Variants in OPCML observed in about 807,000 individuals in gnomAD.
OPCML encodes the protein opioid-binding protein/cell adhesion molecule.
Under a neutral mutation model 37.8 loss-of-function variants are expected in OPCML, and 13 were observed. The observed-to-expected ratio is 0.34, with a 90% confidence interval of 0.22 to 0.55. The LOEUF is 0.55. Ranked by LOEUF, OPCML falls within the 20% of genes least tolerant of loss-of-function variation. OPCML has a pLI of 0.91. For synonymous variants in OPCML, 176 were observed against 168.8 expected (o/e 1.04, Z -0.33); for missense variants, 341 against 435.6 (o/e 0.78, Z 1.93).
At chr11:132,941,410 G>A (rs1489093057) in intron 2 of OPCML, among the ~76,000 whole-genome samples, 3 of 152,210 alleles carry the variant, frequency 2.0e-5, no homozygotes, top group African/African-American at 7.2e-5. Flanking sequence ...GTAAAGAGGT[G>A]TGTGGCAGCA....
At chr11:132,912,975 C>T (rs1184589432) in intron 2 of OPCML, among the ~76,000 whole-genome samples, 2 of 152,154 alleles carry the variant, frequency 1.3e-5, no homozygotes, top group East Asian at 1.9e-4. Flanking sequence ...CTTAATTTAC[C>T]ATTAGAATAA....
At position 132,937,594 on chromosome 11, in the gene OPCML, G is replaced by T. The variant is rs182485967; in HGVS notation, c.146+5332C>A. 4.2e-4 allele frequency among the ~76,000 whole-genome samples: 29 copies of T among 68,746 alleles called. No individual in the cohort carries two copies. In the East Asian group the frequency reaches 8.5e-3, roughly 20 times the overall value. The allele number at this position is 68,746 out of a possible 152,430, so 45.1% of individuals were successfully genotyped here. Reference sequence around the variant, plus strand: ...GTGTGTGGTGTGTGTGGCGTGTGTGGGGTGTGTGTGTGTGTGTGTGTGTGT... The same window carrying T: ...GTGTGTGGTGTGTGTGGCGTGTGTGTGGTGTGTGTGTGTGTGTGTGTGTGT... On this transcript the variant is annotated intron_variant, in intron 2 of 7. Coordinates refer to ENST00000524381, the MANE Select transcript of OPCML (RefSeq NM_001012393.5).
At chr11:132,627,245 A>T (rs1171775493) in intron 3 of OPCML, among the ~76,000 whole-genome samples, 1 of 152,222 alleles carries the variant, frequency 6.6e-6, no homozygotes, top group African/African-American at 2.4e-5. Context: ...AAATGAATTT[A>T]TTACATTCAC....
rs1193402863 is a variant in OPCML at position 133,079,959 on chromosome 11, TCAAC to T, written c.62-136953_62-136950del. On this transcript the variant is annotated intron_variant, in intron 1 of 7. Coordinates refer to ENST00000524381, the MANE Select transcript of OPCML (RefSeq NM_001012393.5). ...GCTCATTGGGAATGCCTTTTGAACT[TCAAC>T]CATGTTAGAAAAACAGTTTTACAGA... 5.3e-5 allele frequency among the ~76,000 whole-genome samples: 8 copies of T among 152,360 alleles called. No individual in the cohort carries two copies. In the East Asian group the frequency reaches 1.5e-3, roughly 29 times the overall value.
chr11:132,809,956 T>G (rs1378685847), intron 2 of OPCML, among the ~76,000 whole-genome samples: 6 of 152,274 alleles, frequency 3.9e-5, no homozygotes, highest in African/African-American at 1.4e-4. Context: ...TTCACGCCAT[T>G]CTCCTGCCTC....
At chr11:133,371,885 C>A (rs1387473956) in intron 1 of OPCML, among the ~76,000 whole-genome samples, 1 of 152,154 alleles carries the variant, frequency 6.6e-6, no homozygotes, top group African/African-American at 2.4e-5. Context: ...GTGGATGGAA[C>A]TGAAGATCGG....
At chr11:132,781,583 C>T (rs1160511203) in intron 2 of OPCML, among the ~76,000 whole-genome samples, 1 of 146,624 alleles carries the variant, frequency 6.8e-6, no homozygotes, top group African/African-American at 2.5e-5. Flanking sequence ...TACACCCACA[C>T]ACACATACAC....
intron 1 of OPCML, among the ~76,000 whole-genome samples, chr11:133,487,876 C>T (rs1211471439): frequency 2.0e-5 from 3 of 150,336 alleles, no homozygotes; most frequent in African/African-American, 7.4e-5. Flanking sequence ...AATAAGAAGT[C>T]ATTCTGTAGC....
At chr11:133,285,663 A>T (rs1942275707) in intron 1 of OPCML, among the ~76,000 whole-genome samples, 1 of 152,224 alleles carries the variant, frequency 6.6e-6, no homozygotes. Flanking sequence ...TCATTAACAT[A>T]GCTTTGTTTA....
At chr11:132,970,174 C>T (rs1369921859) in intron 1 of OPCML, among the ~76,000 whole-genome samples, 1 of 152,178 alleles carries the variant, frequency 6.6e-6, no homozygotes, top group Non-Finnish European at 1.5e-5. Context: ...GAGGCCCCTC[C>T]TCTTTCACAT....
At chr11:133,199,449 C>T (rs1475545334) in intron 1 of OPCML, among the ~76,000 whole-genome samples, 1 of 152,122 alleles carries the variant, frequency 6.6e-6, no homozygotes, top group African/African-American at 2.4e-5. Flanking sequence ...ACATATGACG[C>T]TACAGTCGCC....
chr11:133,210,423 C>T (rs76888653), intron 1 of OPCML, among the ~76,000 whole-genome samples: 2,495 of 152,210 alleles, frequency 0.016, 36 homozygotes, highest in Non-Finnish European at 0.024. Flanking sequence ...TCCCAGGTTG[C>T]CCCACTGCAG....
At chr11:133,194,354 G>A (rs1938451592) in intron 1 of OPCML, among the ~76,000 whole-genome samples, 1 of 151,930 alleles carries the variant, frequency 6.6e-6, no homozygotes, top group East Asian at 1.9e-4. Context: ...GGGATTACAA[G>A]CATGCACCAA....
intron 1 of OPCML, among the ~76,000 whole-genome samples, chr11:133,441,472 T>C (rs1249719625): frequency 6.6e-6 from 1 of 152,350 alleles, no homozygotes; most frequent in African/African-American, 2.4e-5. Flanking sequence ...ATACTATTTA[T>C]ATGACTGTTT....
intron 2 of OPCML, among the ~76,000 whole-genome samples, chr11:132,868,263 T>C (rs905529322): frequency 1.3e-5 from 2 of 151,614 alleles, no homozygotes; most frequent in African/African-American, 4.9e-5. Flanking sequence ...TAAAATCATG[T>C]TTGGTTTCTA....
chr11:133,443,719 G>A (rs1047128339), intron 1 of OPCML, among the ~76,000 whole-genome samples: 14 of 152,154 alleles, frequency 9.2e-5, no homozygotes, highest in Non-Finnish European at 2.9e-5. Flanking sequence ...TTGTCAGAAG[G>A]AAGAATTCAA....
chr11:132,856,755 G>C (rs2136345425), intron 2 of OPCML, among the ~76,000 whole-genome samples: 1 of 152,266 alleles, frequency 6.6e-6, no homozygotes, highest in Non-Finnish European at 1.5e-5. Flanking sequence ...CCGAAGTGCT[G>C]GCATGCCACT....
At chr11:132,962,986 A>G (rs891445911) in intron 1 of OPCML, among the ~76,000 whole-genome samples, 1 of 152,116 alleles carries the variant, frequency 6.6e-6, no homozygotes, top group African/African-American at 2.4e-5. Context: ...CTTGACACGC[A>G]TAGAGGAATC....
At chr11:132,874,601 G>T (rs994025513) in intron 2 of OPCML, among the ~76,000 whole-genome samples, 1 of 152,122 alleles carries the variant, frequency 6.6e-6, no homozygotes, top group African/African-American at 2.4e-5. Context: ...CCCTGCTGTT[G>T]CCCCTGGGTC....
Sources: allele counts gnomAD v4.1 joint callset (sites outside exome capture counted in the v4.1 genomes callset), GRCh38; gene constraint gnomAD v4.1.1; transcripts MANE v1.5; gene names NCBI Gene and HGNC (gene_info 2026-07-23, HGNC 2026-07-21).